Variants in COL5A2 observed in about 807,000 individuals in gnomAD.
COL5A2 encodes the protein collagen type V alpha 2 chain, also known as collagen alpha-2(V) chain.
A neutral mutation model predicts 208.2 loss-of-function variants in COL5A2; 23 were observed. The observed-to-expected ratio is 0.11, with a 90% CI of 0.08 to 0.16. COL5A2 has a LOEUF of 0.16. Among genes scored for constraint, COL5A2 ranks in the 10% least tolerant of loss-of-function variants. The probability of loss-of-function intolerance (pLI) is 1.00; values close to 1 mark genes in which losing one functional copy is unlikely to be tolerated. For synonymous variants in COL5A2, 625 were observed against 628.5 expected, an observed-to-expected ratio of 0.99 and a Z score of 0.08; for missense variants, 1,590 against 1,956.4, an observed-to-expected ratio of 0.81 and a Z score of 3.53.
chr2:189,079,937 G>C, intron 14 of COL5A2, 41 bp downstream of exon 14: 2 of 1,555,498 alleles, frequency 1.3e-6, no homozygotes, highest in South Asian at 2.2e-5. Context: ...GCAAAACTAA[G>C]ATGCCAAAGT....
At chr2:189,125,911 A>G (rs1450510843) in intron 1 of COL5A2, among the ~76,000 whole-genome samples, 1 of 152,068 alleles carries the variant, frequency 6.6e-6, no homozygotes, top group Admixed American at 6.6e-5. Flanking sequence ...CTTATTTCTT[A>G]TGGGATCCAG....
the COL5A2 span, among the ~76,000 whole-genome samples, chr2:189,306,291 C>A: frequency 6.6e-6 from 1 of 152,172 alleles, no homozygotes; most frequent in Non-Finnish European, 1.5e-5. Context: ...ACCTAACATG[C>A]TCCAGAGCAC....
the COL5A2 span, among the ~76,000 whole-genome samples, chr2:189,378,166 A>C: frequency 6.6e-6 from 1 of 152,174 alleles, no homozygotes; most frequent in Non-Finnish European, 1.5e-5. Flanking sequence ...GGCCAATTCC[A>C]ACGGTGATTT....
the COL5A2 span, among the ~76,000 whole-genome samples, chr2:189,306,806 AAG>A: frequency 2.6e-5 from 4 of 152,234 alleles, no homozygotes; most frequent in Non-Finnish European, 5.9e-5. Flanking sequence ...TTCAAAGTAC[AAG>A]AGTTTATCAC....
At chr2:189,404,761 T>C in the COL5A2 span, among the ~76,000 whole-genome samples, 2 of 152,230 alleles carry the variant, frequency 1.3e-5, no homozygotes, top group African/African-American at 2.4e-5. Context: ...ACAGGACTCA[T>C]ACATCCAGAG....
chr2:189,293,299 T>G, the COL5A2 span, among the ~76,000 whole-genome samples: 1 of 151,982 alleles, frequency 6.6e-6, no homozygotes. Flanking sequence ...TGTGCAGAAG[T>G]CAGACCAGAA....
At chr2:189,092,560 C>A in intron 6 of COL5A2, 140 bp from the exon 7 acceptor site, 1 of 698,938 alleles carries the variant, frequency 1.4e-6, no homozygotes, top group Non-Finnish European at 2.6e-6. Context: ...AGAGTAATTT[C>A]ATCAGCCATG....
At chr2:189,368,865 C>T in the COL5A2 span, among the ~76,000 whole-genome samples, 2 of 152,082 alleles carry the variant, frequency 1.3e-5, no homozygotes, top group Non-Finnish European at 2.9e-5. Context: ...ATAGTTAACT[C>T]GGCCTATTCA....
chr2:189,414,399 C>T, the COL5A2 span, among the ~76,000 whole-genome samples: 2 of 152,086 alleles, frequency 1.3e-5, no homozygotes, highest in Non-Finnish European at 2.9e-5. Context: ...AATAGCAATA[C>T]TCTTTCCTTT....
intron 1 of COL5A2, among the ~76,000 whole-genome samples, chr2:189,166,313 G>T (rs1208249990): frequency 6.6e-6 from 1 of 151,988 alleles, no homozygotes; most frequent in Non-Finnish European, 1.5e-5. Context: ...CTTTTGAAGA[G>T]AAGAAAGACA....
At position 189,098,757 on chromosome 2, in the gene COL5A2, T is replaced by C; in HGVS notation, c.372A>G (p.Val124=). 6.2e-7 allele frequency: 1 copy of C among 1,612,836 alleles called. No homozygotes were observed. Among genetic ancestry groups the C allele is most frequent in the Non-Finnish European group, 8.5e-7 (1 of 1,178,970 alleles). Residue 124 remains valine (V), a splice_region_variant and synonymous_variant, in exon 5 of 54, where the codon GTA becomes GTG. Transcript: ENST00000374866. ...QKGEPGLVPV[V]TGIRGRPGPA... The stretch of plus-strand genomic sequence containing the variant: ...GTCCTGGACGACCACGTATGCCTGT[T>C]ACCTAAACAATAAACAAGAAAATTT...
chr2:189,109,540 G>T (rs976231165), intron 2 of COL5A2, among the ~76,000 whole-genome samples: 8 of 151,854 alleles, frequency 5.3e-5, no homozygotes, highest in Non-Finnish European at 7.4e-5. Context: ...ATAACCTGAA[G>T]GTTTAATATT....
chr2:189,345,880 C>T, the COL5A2 span, among the ~76,000 whole-genome samples: 6 of 152,026 alleles, frequency 3.9e-5, no homozygotes, highest in African/African-American at 1.4e-4. Context: ...AATACATTGA[C>T]CTAAGTCATT....
At chr2:189,092,458 A>G (rs1258791948) in intron 6 of COL5A2, 38 bp from the exon 7 acceptor site, 1 of 1,232,088 alleles carries the variant, frequency 8.1e-7, no homozygotes. Flanking sequence ...ACCCACTGCC[A>G]AATATACACT....
chr2:189,191,756 AT>A (rs1246909837), intron 1 of COL5A2, among the ~76,000 whole-genome samples: 4 of 152,166 alleles, frequency 2.6e-5, no homozygotes, highest in African/African-American at 9.7e-5. Context: ...TATATTTATC[AT>A]TATACTTCAG....
intron 1 of COL5A2, among the ~76,000 whole-genome samples, chr2:189,134,109 A>T (rs1687779483): frequency 1.3e-5 from 2 of 152,022 alleles, no homozygotes; most frequent in South Asian, 4.1e-4. Context: ...TCTTCATCCC[A>T]CTCTGAGAGT....
At chr2:189,085,506 TTAAA>T (rs1293310075) in intron 10 of COL5A2, among the ~76,000 whole-genome samples, 6 of 152,270 alleles carry the variant, frequency 3.9e-5, no homozygotes, top group South Asian at 2.1e-4. Flanking sequence ...AAATTTAAAT[TTAAA>T]TAAATAAATT....
chr2:189,298,973 A>G, the COL5A2 span, among the ~76,000 whole-genome samples: 2 of 152,184 alleles, frequency 1.3e-5, no homozygotes, highest in Non-Finnish European at 2.9e-5. Context: ...CTTTGACCCT[A>G]AACATTGAAC....
intron 1 of COL5A2, among the ~76,000 whole-genome samples, chr2:189,214,505 C>T (rs781200781): frequency 2.1e-4 from 32 of 151,972 alleles, no homozygotes; most frequent in Non-Finnish European, 3.2e-4. Flanking sequence ...GAAGAAATGA[C>T]GAAAAATCCT....
Sources: allele counts gnomAD v4.1 joint callset (sites outside exome capture counted in the v4.1 genomes callset), GRCh38; gene constraint gnomAD v4.1.1; transcripts MANE v1.5; gene names NCBI Gene and HGNC (gene_info 2026-07-23, HGNC 2026-07-21).